PRKCA: variants seen among roughly 807,000 people sequenced by gnomAD.
The protein encoded by PRKCA is protein kinase C alpha.
PRKCA carries 27 observed loss-of-function variants against 87.0 expected under a neutral mutation model. The ratio of observed to expected loss-of-function variants is 0.31; its 90% CI spans 0.23 to 0.43. The LOEUF is 0.43. Among genes scored for constraint, PRKCA ranks in the 20% least tolerant of loss-of-function variants. The pLI is 1.00. For missense variants in PRKCA, 518 were observed against 852.3 expected, an observed-to-expected ratio of 0.61 and a Z score of 4.88; for synonymous variants, 329 against 311.1, an observed-to-expected ratio of 1.06 and a Z score of -0.61.
intron 3 of PRKCA, among the ~76,000 whole-genome samples, chr17:66,633,035 AT>A (rs1402305171): frequency 6.6e-6 from 1 of 152,182 alleles, no homozygotes; most frequent in African/African-American, 2.4e-5. Context: ...CAAAAACGGA[AT>A]TTCTTTCGTT....
At chr17:66,376,758 C>T (rs144689056) in intron 2 of PRKCA, among the ~76,000 whole-genome samples, 306 of 152,244 alleles carry the variant, frequency 2.0e-3, no homozygotes, top group African/African-American at 6.7e-3. Flanking sequence ...TCCTGGGCAT[C>T]GGCATCTGGG....
intron 16 of PRKCA, among the ~76,000 whole-genome samples, chr17:66,793,347 T>G (rs12944254): frequency 6.6e-6 from 1 of 152,068 alleles, no homozygotes; most frequent in Non-Finnish European, 1.5e-5. Flanking sequence ...CCCAGCACTT[T>G]GGGAGGTCGA....
intron 2 of PRKCA, among the ~76,000 whole-genome samples, chr17:66,493,375 C>A (rs763407672): frequency 1.3e-5 from 2 of 151,054 alleles, no homozygotes; most frequent in South Asian, 2.1e-4. Context: ...TGTAAAAAAT[C>A]TTGGCATCAG....
intron 2 of PRKCA, among the ~76,000 whole-genome samples, chr17:66,471,707 T>C (rs926343124): frequency 6.7e-6 from 1 of 149,474 alleles, no homozygotes; most frequent in African/African-American, 2.5e-5. Context: ...TTTTTAAAAA[T>C]GGGCTGAAGA....
intron 2 of PRKCA, among the ~76,000 whole-genome samples, chr17:66,373,394 G>T (rs956663487): frequency 6.6e-6 from 1 of 152,112 alleles, no homozygotes; most frequent in South Asian, 2.1e-4. Flanking sequence ...GTCCAAGGTC[G>T]TACAGCCTGT....
intron 10 of PRKCA, 50 bp downstream of exon 10, chr17:66,735,712 C>T (rs370236792): frequency 6.3e-5 from 99 of 1,568,966 alleles, no homozygotes; most frequent in African/African-American, 1.6e-4. Flanking sequence ...CTCAGAGCTA[C>T]GCCTCAGCCC....
intron 2 of PRKCA, among the ~76,000 whole-genome samples, chr17:66,443,411 G>A (rs1197154055): frequency 1.3e-5 from 2 of 152,204 alleles, no homozygotes; most frequent in Non-Finnish European, 2.9e-5. Flanking sequence ...AATAAAGTGA[G>A]GCTTCTTAGA....
chr17:66,772,869 C>T (rs1974970874), intron 13 of PRKCA, among the ~76,000 whole-genome samples: 1 of 152,140 alleles, frequency 6.6e-6, no homozygotes, highest in Non-Finnish European at 1.5e-5. Context: ...TCTCCCACCT[C>T]ATTTATTGAA....
At chr17:66,386,160 A>G (rs1910051664) in intron 2 of PRKCA, among the ~76,000 whole-genome samples, 1 of 152,184 alleles carries the variant, frequency 6.6e-6, no homozygotes, top group Admixed American at 6.5e-5. Context: ...ACTGCTTTTG[A>G]GGTATCTCTG....
chr17:66,711,800 C>CTAATA (rs1277785573), intron 8 of PRKCA, among the ~76,000 whole-genome samples: 1 of 152,148 alleles, frequency 6.6e-6, no homozygotes, highest in African/African-American at 2.4e-5. Flanking sequence ...AAGACAGCAT[C>CTAATA]TAATAAATAA....
Position 66,304,662 on chromosome 17 carries a change from C to T in PRKCA, c.174-1434C>T, listed in dbSNP as rs535872924. Among the ~76,000 whole-genome samples the T allele has an allele frequency of 6.6e-5, 10 of 152,300 alleles. No homozygotes were observed. The East Asian group carries it at 1.7e-3, about 26-fold the overall frequency. On this transcript the variant is annotated intron_variant, in intron 1 of 16. Transcript: ENST00000413366. Reference sequence around the variant, plus strand: ...CATCCCAAAGGGCAGGTCCCATGATCGTGGTGCGAATAAGGTGTTTAATTT... The same window carrying T: ...CATCCCAAAGGGCAGGTCCCATGATTGTGGTGCGAATAAGGTGTTTAATTT...
chr17:66,330,340 C>T (rs1006157545), intron 2 of PRKCA, among the ~76,000 whole-genome samples: 4 of 152,074 alleles, frequency 2.6e-5, no homozygotes, highest in African/African-American at 9.7e-5. Flanking sequence ...CTCCTGACCT[C>T]AGGTGATCCC....
intron 8 of PRKCA, among the ~76,000 whole-genome samples, chr17:66,716,444 A>G (rs1973474777): frequency 6.6e-6 from 1 of 152,220 alleles, no homozygotes. Context: ...GTGTGCCATC[A>G]GCTAGCTCCC....
In PRKCA at chr17:66,792,647, C is replaced by T. The variant is rs772416058; in HGVS notation, c.1854+3668C>T. ...GGTTAGCACGGGACTTTCCATCTCA[C>T]GGCGACATTAAGATCAAGATCTGCA... On this transcript the variant is annotated intron_variant, in intron 16 of 16. Transcript: ENST00000413366. The surrounding 1 kb of genome is among the most constrained non-coding windows in gnomAD (Gnocchi z 4.5). Among the ~76,000 whole-genome samples the T allele has an allele frequency of 7.2e-5, 11 of 152,240 alleles. No homozygotes were observed. Among genetic ancestry groups the T allele is most frequent in the Admixed American group, 1.3e-4 (2 of 15,288 alleles).
chr17:66,713,049 CT>C (rs564655403), intron 8 of PRKCA, among the ~76,000 whole-genome samples: 231 of 104,408 alleles, frequency 2.2e-3, no homozygotes, highest in African/African-American at 6.8e-3. Context: ...CTTTGTTGTC[CT>C]TTTTTTTTTT....
At chr17:66,606,484 C>T (rs1230977580) in intron 3 of PRKCA, among the ~76,000 whole-genome samples, 1 of 152,108 alleles carries the variant, frequency 6.6e-6, no homozygotes, top group East Asian at 1.9e-4. Flanking sequence ...GTATAAGGAC[C>T]CCAGTAGATA....
Position 66,368,289 on chromosome 17 carries a change from C to T in PRKCA, c.205+62162C>T, listed in dbSNP as rs531405546. Among the ~76,000 whole-genome samples, 322 of 144,382 alleles carry T rather than the reference C, an allele frequency of 2.2e-3. 1 individual carries two copies. Among genetic ancestry groups the T allele is most frequent in the African/African-American group, 8.0e-3 (306 of 38,178 alleles). 94.7% of individuals were successfully genotyped at this position (144,382 alleles called of 152,430 possible). A position where few individuals can be genotyped will look rare whatever the true frequency, so the allele number is the denominator to read the frequency against. ...GCAAATCCCTTAGCCTATATATATACACACATATATGTGTGTGTGTGTGTG... is the reference window on the plus strand; with the variant it reads ...GCAAATCCCTTAGCCTATATATATATACACATATATGTGTGTGTGTGTGTG... On this transcript the variant is annotated intron_variant, in intron 2 of 16. Transcript: ENST00000413366.
chr17:66,345,266 T>G (rs1555587120), intron 2 of PRKCA, among the ~76,000 whole-genome samples: 1 of 151,400 alleles, frequency 6.6e-6, no homozygotes, highest in Non-Finnish European at 1.5e-5. Context: ...CTAGCTACTT[T>G]TGTGTGTGTG....
At chr17:66,395,824 T>C (rs998524727) in intron 2 of PRKCA, among the ~76,000 whole-genome samples, 5 of 152,158 alleles carry the variant, frequency 3.3e-5, no homozygotes, top group African/African-American at 1.2e-4. Context: ...AGAGAGATCC[T>C]TATAGTCTTT....
Sources: allele counts gnomAD v4.1 joint callset (sites outside exome capture counted in the v4.1 genomes callset), GRCh38; gene constraint gnomAD v4.1.1; non-coding constraint Gnocchi (gnomAD v3.1); transcripts MANE v1.5; gene names NCBI Gene and HGNC (gene_info 2026-07-23, HGNC 2026-07-21).